The following EFCAB5 variants were observed in gnomAD, a reference collection of about 807,000 sequenced individuals.
The protein encoded by EFCAB5 is EF-hand calcium-binding domain-containing protein 5.
A neutral mutation model predicts 167.9 loss-of-function variants in EFCAB5; 131 were observed. The ratio of observed to expected loss-of-function variants is 0.78; its 90% CI spans 0.68 to 0.90. The LOEUF (loss-of-function observed/expected upper bound fraction) is 0.90, where lower values mean the gene tolerates loss of function less well. Among genes scored for constraint, EFCAB5 ranks in the 40% least tolerant of loss-of-function variants. EFCAB5 has a pLI of 0.00. For missense variants in EFCAB5, 1,663 were observed against 1,745.2 expected (o/e 0.95, Z 0.84); for synonymous variants, 574 against 602.8 (o/e 0.95, Z 0.70).
At chr17:29,974,689 A>C (rs759465932) in intron 4 of EFCAB5, among the ~76,000 whole-genome samples, 29 of 152,190 alleles carry the variant, frequency 1.9e-4, no homozygotes, top group Non-Finnish European at 1.8e-4. Context: ...ATTTTGGAAA[A>C]TTTCATTACA....
At chr17:29,991,920 A>G (rs1344103315) in intron 4 of EFCAB5, among the ~76,000 whole-genome samples, 1 of 152,186 alleles carries the variant, frequency 6.6e-6, no homozygotes, top group Non-Finnish European at 1.5e-5. Flanking sequence ...TCTTATAATT[A>G]TATACATTTG....
intron 7 of EFCAB5, among the ~76,000 whole-genome samples, chr17:30,029,849 C>A (rs2069431866): frequency 6.6e-6 from 1 of 152,126 alleles, no homozygotes; most frequent in Non-Finnish European, 1.5e-5. Context: ...AAGTATGAAT[C>A]CCACTGGCCC....
At chr17:30,029,949 C>T (rs1163144942) in intron 7 of EFCAB5, among the ~76,000 whole-genome samples, 2 of 152,154 alleles carry the variant, frequency 1.3e-5, no homozygotes, top group African/African-American at 4.8e-5. Context: ...GAATTCATTA[C>T]ATTGGGACTT....
chr17:29,984,253 AG>A (rs1229708755), intron 4 of EFCAB5, among the ~76,000 whole-genome samples: 1 of 151,678 alleles, frequency 6.6e-6, no homozygotes, highest in Non-Finnish European at 1.5e-5. Flanking sequence ...TGAGGGGGAA[AG>A]GAAAAAGCAG....
chr17:30,086,152 AT>A (rs539114525), intron 18 of EFCAB5, among the ~76,000 whole-genome samples: 26 of 150,016 alleles, frequency 1.7e-4, no homozygotes, highest in South Asian at 2.1e-4. Flanking sequence ...TGCCCCAAGA[AT>A]TTTTTTTTTA....
At chr17:30,033,239 C>T (rs192240234) in intron 7 of EFCAB5, among the ~76,000 whole-genome samples, 1,976 of 152,190 alleles carry the variant, frequency 0.013, 19 homozygotes, top group Non-Finnish European at 0.022. Flanking sequence ...CCACCACGCC[C>T]GGCTAATTTT....
chr17:29,974,723 G>A (rs2068030114), intron 4 of EFCAB5, among the ~76,000 whole-genome samples: 1 of 152,088 alleles, frequency 6.6e-6, no homozygotes, highest in Non-Finnish European at 1.5e-5. Context: ...CGTTTTGCCA[G>A]GTAAATTGAG....
chr17:30,065,261 C>G (rs2070533434), intron 14 of EFCAB5, among the ~76,000 whole-genome samples: 1 of 152,154 alleles, frequency 6.6e-6, no homozygotes. Flanking sequence ...AACCAGAAAA[C>G]AATTAACAAA....
At position 30,090,486 on chromosome 17, in the gene EFCAB5, A is replaced by G; in HGVS notation, c.3749A>G (p.His1250Arg). 1 of 1,614,002 alleles carries G rather than the reference A, an allele frequency of 6.2e-7. No homozygotes were observed. Among genetic ancestry groups the G allele is most frequent in the Non-Finnish European group, 8.5e-7 (1 of 1,179,884 alleles). Residue 1250 changes from histidine (H) to arginine (R), a missense_variant, in exon 20 of 23, where the codon CAT becomes CGT. Coordinates refer to ENST00000394835, the MANE Select transcript of EFCAB5 (RefSeq NM_198529.4). ...CTGGCTTCTGCCTGTGGAGAAACGCATATAGTAGTTCCACTTCGTGAGAGA... is the reference window on the plus strand; with the variant it reads ...CTGGCTTCTGCCTGTGGAGAAACGCGTATAGTAGTTCCACTTCGTGAGAGA... ...VVLASACGET[H>R]IVVPLRERTG...
chr17:29,999,995 A>G lies in EFCAB5; in HGVS notation c.1044+19A>G. The G allele has an allele frequency of 6.6e-7, 1 of 1,511,566 alleles. No homozygotes were observed. Among genetic ancestry groups the G allele is most frequent in the Non-Finnish European group, 9.0e-7 (1 of 1,114,048 alleles). The allele number at this position is 1,511,566 out of a possible 1,614,324, so 93.6% of individuals were successfully genotyped here. On this transcript the variant is annotated intron_variant, in intron 7 of 22. Coordinates refer to ENST00000394835, the MANE Select transcript of EFCAB5 (RefSeq NM_198529.4). ...TACAGAAGTAAGAGTTACATTATTT[A>G]ATGTTTGAATTGAATTATTTTGTCA...
rs974914337 is a variant in EFCAB5 at position 30,003,538 on chromosome 17, GT to G, written c.1044+3569del. ...GTGAGCCACTGTGCCCAGCCTTGTT[GT>G]TTTTTTAAGAAATGTGGTTTTGGGG... On this transcript the variant is annotated intron_variant, in intron 7 of 22. Coordinates refer to ENST00000394835, the MANE Select transcript of EFCAB5 (RefSeq NM_198529.4). Among the ~76,000 whole-genome samples, 4 of 142,368 alleles carry G rather than the reference GT, an allele frequency of 2.8e-5. No individual in the cohort carries two copies. In the East Asian group the frequency reaches 8.2e-4, roughly 29 times the overall value. 93.4% of individuals were successfully genotyped at this position (142,368 alleles called of 152,430 possible). A position where few individuals can be genotyped will look rare whatever the true frequency, so the allele number is the denominator to read the frequency against.
intron 7 of EFCAB5, among the ~76,000 whole-genome samples, chr17:30,022,436 AAC>A (rs2069202664): frequency 6.6e-6 from 1 of 152,080 alleles, no homozygotes; most frequent in Non-Finnish European, 1.5e-5. Context: ...CGTGCACACA[AAC>A]ACACACATAT....
At chr17:30,088,632 A>C (rs1187450094) in intron 19 of EFCAB5, among the ~76,000 whole-genome samples, 1 of 152,216 alleles carries the variant, frequency 6.6e-6, no homozygotes, top group Non-Finnish European at 1.5e-5. Context: ...TCACTTGTCA[A>C]ATGCAAGGAA....
At chr17:29,944,617 G>GTTTTTTTTTT (rs1223652580) in intron 3 of EFCAB5, among the ~76,000 whole-genome samples, 2 of 139,462 alleles carry the variant, frequency 1.4e-5, no homozygotes, top group South Asian at 2.3e-4. Flanking sequence ...GTTGTTTTCT[G>GTTTTTTTTTT]TTTTGTTTTG....
chr17:29,978,554 C>A (rs1291384274), intron 4 of EFCAB5, among the ~76,000 whole-genome samples: 1 of 152,162 alleles, frequency 6.6e-6, no homozygotes, highest in Non-Finnish European at 1.5e-5. Context: ...GTATTCTACA[C>A]CCTACCCTGC....
intron 3 of EFCAB5, among the ~76,000 whole-genome samples, chr17:29,963,999 A>G (rs1425944434): frequency 7.8e-5 from 6 of 77,054 alleles, no homozygotes; most frequent in African/African-American, 2.7e-4. Context: ...CCCACCTTCC[A>G]CCATGATTAT....
At chr17:30,068,947 T>G in intron 14 of EFCAB5, 1 of 1,536,608 alleles carries the variant, frequency 6.5e-7, no homozygotes, top group Non-Finnish European at 9.0e-7. Context: ...CATGAGGACC[T>G]GTTCAGAAGC....
chr17:30,004,792 T>C (rs2068740984), intron 7 of EFCAB5, among the ~76,000 whole-genome samples: 1 of 147,796 alleles, frequency 6.8e-6, no homozygotes, highest in Non-Finnish European at 1.5e-5. Flanking sequence ...GGCTAATTTT[T>C]TTTTTTTTTT....
rs181390804 is a variant in EFCAB5, at chr17:30,085,147, T to G, written c.3580-1916T>G. Among the ~76,000 whole-genome samples, 4 of 152,280 alleles carry G rather than the reference T, an allele frequency of 2.6e-5. No homozygotes were observed. In the East Asian group the frequency reaches 7.7e-4, roughly 29 times the overall value. Reference sequence around the variant, plus strand: ...TGCTTCCTTGTGATACCCTGACTGATACGAATTATAAAGTAAATCCTGTGA... The same window carrying G: ...TGCTTCCTTGTGATACCCTGACTGAGACGAATTATAAAGTAAATCCTGTGA... On this transcript the variant is annotated intron_variant, in intron 18 of 22. Coordinates refer to ENST00000394835, the MANE Select transcript of EFCAB5 (RefSeq NM_198529.4).
Sources: gnomAD v4.1 joint callset for allele counts (sites outside exome capture counted in the v4.1 genomes callset) on GRCh38, gnomAD v4.1.1 for gene constraint, MANE v1.5 for transcripts, NCBI Gene and HGNC (gene_info 2026-07-23, HGNC 2026-07-21) for gene names.